RNF187: variants seen among roughly 807,000 people sequenced by gnomAD.
The protein encoded by RNF187 is ring finger protein 187.
In RNF187, 18 loss-of-function variants were observed where a neutral mutation model predicts 22.2. The observed-to-expected ratio is 0.81, with a 90% CI of 0.56 to 1.20. The LOEUF is 1.20. RNF187 is among the 50% of genes most tolerant of loss of function. The probability of loss-of-function intolerance (pLI) is 0.00; values close to 1 mark genes in which losing one functional copy is unlikely to be tolerated. For synonymous variants in RNF187, 164 were observed against 140.9 expected, an observed-to-expected ratio of 1.16 and a Z score of -1.16; for missense variants, 329 against 317.6, an observed-to-expected ratio of 1.04 and a Z score of -0.27.
Position 228,493,786 on chromosome 1 carries a change from G to T in RNF187, c.706-97G>T. On this transcript the variant is annotated intron_variant, in intron 3 of 3. Coordinates refer to ENST00000305943, the MANE Select transcript of RNF187 (RefSeq NM_001010858.3). This position sits in a 1 kb window ranked among gnomAD's most constrained non-coding sequence, Gnocchi z 4.7. ...GTACCTCATGCGCTGTCTCATGTGCGCTCTCTCTTTCGCTCTCTCCTTTTG... is the reference window on the plus strand; with the variant it reads ...GTACCTCATGCGCTGTCTCATGTGCTCTCTCTCTTTCGCTCTCTCCTTTTG... 2 of 1,302,080 alleles carry T rather than the reference G, an allele frequency of 1.5e-6. No homozygotes were observed. The highest frequency in any genetic ancestry group is 2.2e-6 in the Non-Finnish European group (2 of 920,886). 80.7% of individuals were successfully genotyped at this position (1,302,080 alleles called of 1,614,324 possible).
chr1:228,491,794 T>C lies in RNF187; in HGVS notation c.484-1259T>C. Among the ~76,000 whole-genome samples the C allele has an allele frequency of 2.0e-5, 3 of 152,080 alleles. No homozygotes were observed. The East Asian group carries it at 5.8e-4, about 29-fold the overall frequency. On this transcript the variant is annotated intron_variant, in intron 2 of 3. Coordinates refer to ENST00000305943, the MANE Select transcript of RNF187 (RefSeq NM_001010858.3). ...CAGCACAGGCTCCCTTATAATGAAA[T>C]GAAGACTCAAAGTGGCAAAATTAAA...
chr1:228,495,592 T>A lies in RNF187; in HGVS notation c.*1707T>A. 4.1e-6 allele frequency: 4 copies of A among 985,572 alleles called. No individual in the cohort carries two copies. The highest frequency in any genetic ancestry group is 4.8e-6 in the Non-Finnish European group (4 of 829,964). The allele number at this position is 985,572 out of a possible 1,614,324, so 61.1% of individuals were successfully genotyped here. ...CTGCCCCTGCCCTGCACACCTGTGA[T>A]GCTTGCCCGGACAGGTCCTGATGGC... On this transcript the variant is annotated 3_prime_UTR_variant, in exon 4 of 4. Coordinates refer to ENST00000305943, the MANE Select transcript of RNF187 (RefSeq NM_001010858.3).
In RNF187 at chr1:228,487,838, C is replaced by G; in HGVS notation, c.350C>G (p.Pro117Arg). The G allele has an allele frequency of 4.9e-6, 6 of 1,229,638 alleles. No individual in the cohort carries two copies. Among genetic ancestry groups the G allele is most frequent in the Non-Finnish European group, 6.1e-6 (6 of 980,188 alleles). The allele number at this position is 1,229,638 out of a possible 1,614,324, so 76.2% of individuals were successfully genotyped here. Residue 117 changes from proline to arginine, a missense_variant, in exon 1 of 4, where the codon CCC becomes CGC. Pro to Arg is a moderately radical substitution (Grantham distance 103). Coordinates refer to ENST00000305943, the MANE Select transcript of RNF187 (RefSeq NM_001010858.3). Reference sequence around the variant, plus strand: ...CGTATGGCTGCGGGCCCCGAGCCGCCCGAGTGGGAACCGCGCTGGAGGAAG... The same window carrying G: ...CGTATGGCTGCGGGCCCCGAGCCGCGCGAGTGGGAACCGCGCTGGAGGAAG...
rs1269458938 is a variant in RNF187, at chr1:228,487,564, G to C, written c.76G>C (p.Asp26His). The C allele has an allele frequency of 1.2e-5, 15 of 1,251,022 alleles. No individual in the cohort carries two copies. Among genetic ancestry groups the C allele is most frequent in the Non-Finnish European group, 1.5e-5 (15 of 985,372 alleles). The allele number at this position is 1,251,022 out of a possible 1,614,324, so 77.5% of individuals were successfully genotyped here. A position where few individuals can be genotyped will look rare whatever the true frequency, so the allele number is the denominator to read the frequency against. ...CGCGCCCCGGGAACCGGTGCGCGCC[G>C]ACTGCGGCCACCGCTTCTGTCGGGC... Residue 26 changes from aspartate to histidine, a missense_variant, in exon 1 of 4, where the codon GAC becomes CAC. Asp to His is a moderately conservative substitution (Grantham distance 81). Coordinates refer to ENST00000305943, the MANE Select transcript of RNF187 (RefSeq NM_001010858.3).
chr1:228,494,901 C>T lies in RNF187; in HGVS notation c.*1016C>T. 476 of 985,254 alleles carry T rather than the reference C, an allele frequency of 4.8e-4. No homozygotes were observed. The highest frequency in any genetic ancestry group is 5.0e-4 in the Non-Finnish European group (417 of 829,976). The allele number at this position is 985,254 out of a possible 1,614,324, so 61.0% of individuals were successfully genotyped here. A position where few individuals can be genotyped will look rare whatever the true frequency, so the allele number is the denominator to read the frequency against. ...CCTTCTGAGTCCCCGGCCCTTGGTG[C>T]GATGTCTGTGAGTTTGACCTGCCCA... On this transcript the variant is annotated 3_prime_UTR_variant, in exon 4 of 4. Coordinates refer to ENST00000305943, the MANE Select transcript of RNF187 (RefSeq NM_001010858.3).
Position 228,494,497 on chromosome 1 carries a change from C to T in RNF187, c.*612C>T. The T allele has an allele frequency of 4.1e-6, 4 of 987,000 alleles. No homozygotes were observed. The highest frequency in any genetic ancestry group is 4.8e-6 in the Non-Finnish European group (4 of 830,910). 61.1% of individuals were successfully genotyped at this position (987,000 alleles called of 1,614,324 possible). A position where few individuals can be genotyped will look rare whatever the true frequency, so the allele number is the denominator to read the frequency against. ...CACCTCCCCCTTCCTGGCCCCCACCCCACTCCTGTGCCTCCCAGGAGCCCT... is the reference window on the plus strand; with the variant it reads ...CACCTCCCCCTTCCTGGCCCCCACCTCACTCCTGTGCCTCCCAGGAGCCCT... On this transcript the variant is annotated 3_prime_UTR_variant, in exon 4 of 4. Transcript: ENST00000305943.
In RNF187 at chr1:228,494,944, A is replaced by G; in HGVS notation, c.*1059A>G. 5.1e-6 allele frequency: 5 copies of G among 985,384 alleles called. No homozygotes were observed. The highest frequency in any genetic ancestry group is 1.1e-4 in the East Asian group (1 of 8,806). The allele number at this position is 985,384 out of a possible 1,614,324, so 61.0% of individuals were successfully genotyped here. On this transcript the variant is annotated 3_prime_UTR_variant, in exon 4 of 4. Transcript: ENST00000305943. ...CCTGCCCAGCGTGTGGGCTGGCTCA[A>G]TGCTGAATAAAGTGGGTTTGTGTCA... is the stretch of plus-strand genomic sequence containing the variant.
Position 228,494,022 on chromosome 1 carries a change from C to G in RNF187, c.*137C>G. On this transcript the variant is annotated 3_prime_UTR_variant, in exon 4 of 4. Coordinates refer to ENST00000305943, the MANE Select transcript of RNF187 (RefSeq NM_001010858.3). ...GGTCCATCTACATAGTTGCGTGTTT[C>G]AACAATGTCCATTTATCCTTCACCC... The G allele has an allele frequency of 6.5e-7, 1 of 1,545,606 alleles. No individual in the cohort carries two copies. The highest frequency in any genetic ancestry group is 1.2e-5 in the South Asian group (1 of 83,778).
chr1:228,495,051 C>T lies in RNF187; in HGVS notation c.*1166C>T. 27 of 983,630 alleles carry T rather than the reference C, an allele frequency of 2.7e-5. No individual in the cohort carries two copies. Among genetic ancestry groups the T allele is most frequent in the African/African-American group, 8.7e-5 (5 of 57,190 alleles). The allele number at this position is 983,630 out of a possible 1,614,324, so 60.9% of individuals were successfully genotyped here. On this transcript the variant is annotated 3_prime_UTR_variant, in exon 4 of 4. Coordinates refer to ENST00000305943, the MANE Select transcript of RNF187 (RefSeq NM_001010858.3). ...CCTCCAGTGTCAAAGGAAACTTCCT[C>T]GTGACACGTGCTAAAGCATGGTGAG...
intron 2 of RNF187, among the ~76,000 whole-genome samples, chr1:228,489,421 C>T: frequency 6.6e-6 from 1 of 152,116 alleles, no homozygotes; most frequent in Non-Finnish European, 1.5e-5. Flanking sequence ...ATCCTCCCAC[C>T]TCAGCCTCTG....
chr1:228,489,639 A>G, intron 2 of RNF187, among the ~76,000 whole-genome samples: 5 of 152,010 alleles, frequency 3.3e-5, no homozygotes, highest in African/African-American at 4.8e-5. Flanking sequence ...AGAGTTGCTC[A>G]TTATTTTTTA....
chr1:228,493,551 C>T lies in RNF187; in HGVS notation c.705+277C>T. On this transcript the variant is annotated intron_variant, in intron 3 of 3. Transcript: ENST00000305943. This position sits in a 1 kb window ranked among gnomAD's most constrained non-coding sequence, Gnocchi z 4.7. ...CGAGCATGGAAGGCTCCTGCCTCGC[C>T]CTGGGGTCCTGAAGGCAGAAGCAGC... Among the ~76,000 whole-genome samples the T allele has an allele frequency of 6.6e-6, 1 of 152,216 alleles. No individual in the cohort carries two copies. The highest frequency in any genetic ancestry group is 1.9e-4 in the East Asian group (1 of 5,196).
intron 2 of RNF187, among the ~76,000 whole-genome samples, chr1:228,491,398 A>AT: frequency 8.2e-5 from 12 of 146,014 alleles, no homozygotes; most frequent in South Asian, 4.2e-4. Context: ...AAAAAAAAAA[A>AT]AAAAAAAAAA....
intron 2 of RNF187, among the ~76,000 whole-genome samples, chr1:228,491,603 G>A: frequency 4.6e-5 from 7 of 151,970 alleles, no homozygotes; most frequent in African/African-American, 1.7e-4. Flanking sequence ...ACCACGCCTG[G>A]CTAATCTTGT....
In RNF187 at chr1:228,493,245, C is replaced by G. The variant is rs541054231; in HGVS notation, c.676C>G (p.Arg226Gly). Residue 226 changes from arginine to glycine, a missense_variant, in exon 3 of 4, where the codon CGC (arginine) becomes GGC (glycine). Physicochemically the swap from Arg to Gly is moderately radical, Grantham distance 125 (BLOSUM62 -2). Coordinates refer to ENST00000305943, the MANE Select transcript of RNF187 (RefSeq NM_001010858.3). This position sits in a 1 kb window ranked among gnomAD's most constrained non-coding sequence, Gnocchi z 4.7. Reference sequence around the variant, plus strand: ...GGTCTCGGAGCTGGAGAAGAAGCATCGCAACCTGGGCCTCAGCATGCTGCT... The same window carrying G: ...GGTCTCGGAGCTGGAGAAGAAGCATGGCAACCTGGGCCTCAGCATGCTGCT... 3.3e-5 allele frequency: 51 copies of G among 1,550,908 alleles called. No homozygotes were observed. Among genetic ancestry groups the G allele is most frequent in the Non-Finnish European group, 4.4e-5 (50 of 1,146,944 alleles).
rs1393742835 is a variant in RNF187 at position 228,493,253 on chromosome 1, G to A, written c.684G>A (p.Leu228=). Residue 228 remains leucine, a synonymous_variant, in exon 3 of 4, where the codon CTG becomes CTA. Transcript: ENST00000305943. This position sits in a 1 kb window ranked among gnomAD's most constrained non-coding sequence, Gnocchi z 4.7. ...AGCTGGAGAAGAAGCATCGCAACCT[G>A]GGCCTCAGCATGCTGCTGCAGGTGC... is the stretch of plus-strand genomic sequence containing the variant. 6.4e-6 allele frequency: 10 copies of A among 1,550,708 alleles called. No individual in the cohort carries two copies. The African/African-American group carries it at 9.6e-5, about 15-fold the overall frequency.
At chr1:228,489,546 C>T in intron 2 of RNF187, among the ~76,000 whole-genome samples, 8 of 152,146 alleles carry the variant, frequency 5.3e-5, no homozygotes, top group Non-Finnish European at 7.3e-5. Context: ...GCGGTTCTCC[C>T]GCCTTGGCCT....
At position 228,487,650 on chromosome 1, in the gene RNF187, C is replaced by T; in HGVS notation, c.162C>T (p.Asp54=). 1 of 1,168,604 alleles carries T rather than the reference C, an allele frequency of 8.6e-7. No homozygotes were observed. Among genetic ancestry groups the T allele is most frequent in the Non-Finnish European group, 1.1e-6 (1 of 937,482 alleles). The allele number at this position is 1,168,604 out of a possible 1,614,324, so 72.4% of individuals were successfully genotyped here. The change falls in exon 1 of 4, where the codon GAC becomes GAT. Residue 54 remains aspartate, a synonymous_variant. Transcript: ENST00000305943. ...CCTTCCCGTGCCCCGAGTGCGCCGA[C>T]GACTGCTGGCAGCGCGCCGTGGAGC...
At position 228,494,513 on chromosome 1, in the gene RNF187, C is replaced by A; in HGVS notation, c.*628C>A. 1 of 986,644 alleles carries A rather than the reference C, an allele frequency of 1.0e-6. No individual in the cohort carries two copies. The highest frequency in any genetic ancestry group is 1.2e-6 in the Non-Finnish European group (1 of 830,772). 61.1% of individuals were successfully genotyped at this position (986,644 alleles called of 1,614,324 possible). A position where few individuals can be genotyped will look rare whatever the true frequency, so the allele number is the denominator to read the frequency against. ...GCCCCCACCCCACTCCTGTGCCTCC[C>A]AGGAGCCCTCCCTGTGCTCCACCTG... On this transcript the variant is annotated 3_prime_UTR_variant, in exon 4 of 4. Transcript: ENST00000305943.
Sources: gnomAD v4.1 joint callset for allele counts (sites outside exome capture counted in the v4.1 genomes callset) on GRCh38, gnomAD v4.1.1 for gene constraint, Gnocchi (gnomAD v3.1) non-coding constraint, MANE v1.5 for transcripts, NCBI Gene and HGNC (gene_info 2026-07-23, HGNC 2026-07-21) for gene names.